PDE6B: variants seen among roughly 807,000 people sequenced by gnomAD.
PDE6B encodes rod cGMP-specific 3',5'-cyclic phosphodiesterase subunit beta.
Under a neutral mutation model 109.0 loss-of-function variants are expected in PDE6B, and 106 were observed. The ratio of observed to expected loss-of-function variants is 0.97; its 90% CI spans 0.83 to 1.14. PDE6B has a LOEUF of 1.14. Ranked by LOEUF, PDE6B falls within the 50% of genes most tolerant of loss-of-function variation. The pLI is 0.00. For synonymous variants in PDE6B, 490 were observed against 471.3 expected, an observed-to-expected ratio of 1.04 and a Z score of -0.51; for missense variants, 1,193 against 1,155.6, an observed-to-expected ratio of 1.03 and a Z score of -0.47.
intron 2 of PDE6B, among the ~76,000 whole-genome samples, chr4:635,183 C>T (rs1734598815): frequency 8.5e-6 from 1 of 118,288 alleles, no homozygotes; most frequent in African/African-American, 3.3e-5. Flanking sequence ...GCGTCCACCT[C>T]CTTACCTGCC....
Position 660,758 on chromosome 4 carries a change from G to A in PDE6B, c.1614+145G>A, listed in dbSNP as rs78815751. ...GATCCCACAGGAAGTTTAGAGGGCC[G>A]ACATGTTCATCACAGAACAGGTAAA... On this transcript the variant is annotated intron_variant, in intron 12 of 21. Transcript: ENST00000496514. The A allele has an allele frequency of 5.7e-3, 4,166 of 729,738 alleles. 43 individuals are homozygous for A. Among genetic ancestry groups the A allele is most frequent in the African/African-American group, 0.038 (2,166 of 57,616 alleles). 45.2% of individuals were successfully genotyped at this position (729,738 alleles called of 1,614,324 possible).
chr4:660,701 A>C, intron 12 of PDE6B, 88 bp downstream of exon 12: 1 of 1,182,130 alleles, frequency 8.5e-7, no homozygotes. Context: ...CAGGTGCCCC[A>C]GAAGGTGAGG....
chr4:668,460 C>A (rs966064723), intron 21 of PDE6B, among the ~76,000 whole-genome samples: 2 of 150,654 alleles, frequency 1.3e-5, no homozygotes, highest in Non-Finnish European at 3.0e-5. Context: ...CTACCCCATG[C>A]TGCTCCCACT....
In PDE6B at chr4:670,611, A is replaced by G. The variant is rs886059550; in HGVS notation, c.*504A>G. ...ATTACTCATCCATTTTTGGATAGTT[A>G]CCACTGGGAGACCTTTGAAAAGGGT... On this transcript the variant is annotated 3_prime_UTR_variant, in exon 22 of 22. Transcript: ENST00000496514. 23 of 188,354 alleles carry G rather than the reference A, an allele frequency of 1.2e-4. No individual in the cohort carries two copies. The highest frequency in any genetic ancestry group is 1.9e-4 in the Non-Finnish European group (17 of 88,786). The allele number at this position is 188,354 out of a possible 1,614,324, so 11.7% of individuals were successfully genotyped here. A position where few individuals can be genotyped will look rare whatever the true frequency, so the allele number is the denominator to read the frequency against.
At chr4:627,697 C>A (rs566946775) in intron 1 of PDE6B, among the ~76,000 whole-genome samples, 1 of 150,966 alleles carries the variant, frequency 6.6e-6, no homozygotes, top group Non-Finnish European at 1.5e-5. Context: ...CTCCTGCCAC[C>A]CTCCTCCCTC....
At position 657,369 on chromosome 4, in the gene PDE6B, G is replaced by A. The variant is rs1736405871; in HGVS notation, c.1276G>A (p.Gly426Ser). Residue 426 changes from glycine to serine, a missense_variant, in exon 10 of 22, where the codon GGC (glycine) becomes AGC (serine). Transcript: ENST00000496514. Reference protein sequence around the residue: ...VLMESLTQFLGWSVMNTDTYD... With the variant: ...VLMESLTQFLSWSVMNTDTYD... ...CCTCCAGTCCCTGACACAGTTCCTG[G>A]GCTGGTCAGTGATGAACACCGACAC... 6.2e-7 allele frequency: 1 copy of A among 1,613,016 alleles called. No individual in the cohort carries two copies. The highest frequency in any genetic ancestry group is 8.5e-7 in the Non-Finnish European group (1 of 1,179,904).
Position 634,842 on chromosome 4 carries a change from G to A in PDE6B, c.621+13G>A. 1.2e-6 allele frequency: 2 copies of A among 1,612,564 alleles called. No individual in the cohort carries two copies. Among genetic ancestry groups the A allele is most frequent in the African/African-American group, 1.3e-5 (1 of 75,004 alleles). On this transcript the variant is annotated intron_variant, in intron 2 of 21. Coordinates refer to ENST00000496514, the MANE Select transcript of PDE6B (RefSeq NM_000283.4). ...CGAAGACGAAGATGTGAGTGTGGGGGGCACCTGGGCAGCCGCGCGTCTGCC... is the reference window on the plus strand; with the variant it reads ...CGAAGACGAAGATGTGAGTGTGGGGAGCACCTGGGCAGCCGCGCGTCTGCC...
intron 3 of PDE6B, chr4:652,347 T>C (rs970243010): frequency 2.0e-4 from 39 of 193,484 alleles, no homozygotes; most frequent in Admixed American, 3.9e-4. Flanking sequence ...AGGATCTCAC[T>C]CACATGTGGG....
chr4:627,660 C>T (rs1057007377), intron 1 of PDE6B, among the ~76,000 whole-genome samples: 5 of 151,050 alleles, frequency 3.3e-5, no homozygotes, highest in South Asian at 2.1e-4. Flanking sequence ...TCCCTCCCCC[C>T]GTTCCCTCCT....
In PDE6B at chr4:654,977, T is replaced by G. The variant is rs1736039953; in HGVS notation, c.992+89T>G. 5.9e-6 allele frequency: 5 copies of G among 845,918 alleles called. No individual in the cohort carries two copies. In the East Asian group the frequency reaches 1.2e-4, roughly 20 times the overall value. 52.4% of individuals were successfully genotyped at this position (845,918 alleles called of 1,614,324 possible). A position where few individuals can be genotyped will look rare whatever the true frequency, so the allele number is the denominator to read the frequency against. ...GCCCCCAGGGCCGTCCTCCCAGGGC[T>G]TCCCACGGTGCAGTCAGCAGCACCG... is the stretch of plus-strand genomic sequence containing the variant. On this transcript the variant is annotated intron_variant, in intron 6 of 21. Transcript: ENST00000496514.
intron 3 of PDE6B, chr4:652,646 C>T (rs903143384): frequency 7.5e-6 from 2 of 268,258 alleles, no homozygotes; most frequent in African/African-American, 4.6e-5. Flanking sequence ...AGTAGAACAG[C>T]CGTTTTCATG....
chr4:656,522 A>G (rs1560122735), intron 8 of PDE6B, among the ~76,000 whole-genome samples: 1 of 146,314 alleles, frequency 6.8e-6, no homozygotes, highest in African/African-American at 2.6e-5. Flanking sequence ...GCCCCCACAC[A>G]CCCCTGCGAG....
In PDE6B at chr4:663,749, C is replaced by T. The variant is rs373170193; in HGVS notation, c.1921-21C>T. On this transcript the variant is annotated intron_variant, in intron 15 of 21. Coordinates refer to ENST00000496514, the MANE Select transcript of PDE6B (RefSeq NM_000283.4). This position sits in a 1 kb window ranked among gnomAD's most constrained non-coding sequence, Gnocchi z 4.0. ...AGAGGTGGCCGCAGGGCGCCTGACG[C>T]GCTGGGCATAACCTCCGCAGACCCT... The T allele has an allele frequency of 1.3e-4, 206 of 1,594,056 alleles. No individual in the cohort carries two copies. Among genetic ancestry groups the T allele is most frequent in the Non-Finnish European group, 1.7e-4 (201 of 1,163,458 alleles).
Position 656,923 on chromosome 4 carries a change from T to C in PDE6B, c.1157T>C (p.Met386Thr). 6.2e-7 allele frequency: 1 copy of C among 1,613,042 alleles called. No individual in the cohort carries two copies. Among genetic ancestry groups the C allele is most frequent in the Non-Finnish European group, 8.5e-7 (1 of 1,179,894 alleles). Residue 386 changes from methionine (M) to threonine (T), a missense_variant, in exon 9 of 22, where the codon ATG becomes ACG. Physicochemically the swap from Met to Thr is moderately conservative, Grantham distance 81 (BLOSUM62 -1). Transcript: ENST00000496514. ...SGWLIKNVLS[M>T]PIVNKKEEIV... ...TGGCTCATCAAGAATGTGCTGTCCATGCCCATCGTCAACAAGAAGGAGGAG... is the reference window on the plus strand; with the variant it reads ...TGGCTCATCAAGAATGTGCTGTCCACGCCCATCGTCAACAAGAAGGAGGAG...
chr4:627,202 G>A (rs999136188), intron 1 of PDE6B, among the ~76,000 whole-genome samples: 1 of 151,056 alleles, frequency 6.6e-6, no homozygotes, highest in Non-Finnish European at 1.5e-5. Context: ...CTGGAGTACA[G>A]TGGCATGATG....
At position 664,165 on chromosome 4, in the gene PDE6B, CAAG is replaced by C. The variant is rs777085213; in HGVS notation, c.2078_2080del (p.Lys693del). 6.2e-7 allele frequency: 1 copy of C among 1,612,684 alleles called. No homozygotes were observed. The highest frequency in any genetic ancestry group is 1.1e-5 in the South Asian group (1 of 91,068). ...TGGATGAGTCCAAGAACTACCAGGA[CAAG>C]AAGAGCTGGGTGGAGTACCTGTCCC... On this transcript the variant is annotated inframe_deletion, in exon 17 of 22. Coordinates refer to ENST00000496514, the MANE Select transcript of PDE6B (RefSeq NM_000283.4).
Position 659,030 on chromosome 4 carries a change from C to T in PDE6B, c.1467+13C>T. ...GGGCGAAATCCTGGTAAGAACCTTGCTCCCGTCCCTCCCATGGAGGCCGGC... is the reference window on the plus strand; with the variant it reads ...GGGCGAAATCCTGGTAAGAACCTTGTTCCCGTCCCTCCCATGGAGGCCGGC... On this transcript the variant is annotated intron_variant, in intron 11 of 21. Transcript: ENST00000496514. 2.5e-6 allele frequency: 4 copies of T among 1,604,246 alleles called. No homozygotes were observed. Among genetic ancestry groups the T allele is most frequent in the Non-Finnish European group, 3.4e-6 (4 of 1,171,476 alleles).
At position 657,373 on chromosome 4, in the gene PDE6B, G is replaced by T. The variant is rs771148614; in HGVS notation, c.1280G>T (p.Trp427Leu). 2 of 1,612,926 alleles carry T rather than the reference G, an allele frequency of 1.2e-6. No individual in the cohort carries two copies. The highest frequency in any genetic ancestry group is 1.7e-6 in the Non-Finnish European group (2 of 1,179,706). Residue 427 changes from tryptophan to leucine, a missense_variant, in exon 10 of 22, where the codon TGG (tryptophan) becomes TTG (leucine). Trp to Leu is a moderately conservative substitution (Grantham distance 61). Coordinates refer to ENST00000496514, the MANE Select transcript of PDE6B (RefSeq NM_000283.4). ...CAGTCCCTGACACAGTTCCTGGGCT[G>T]GTCAGTGATGAACACCGACACCTAC... Reference protein sequence around the residue: ...LMESLTQFLGWSVMNTDTYDK... With the variant: ...LMESLTQFLGLSVMNTDTYDK...
At chr4:635,469 G>A (rs1246109799) in intron 2 of PDE6B, among the ~76,000 whole-genome samples, 3 of 99,872 alleles carry the variant, frequency 3.0e-5, no homozygotes, top group East Asian at 3.3e-4. Context: ...TCTGTGCCAC[G>A]CGTCTGCCTC....
Sources: allele counts gnomAD v4.1 joint callset (sites outside exome capture counted in the v4.1 genomes callset), GRCh38; gene constraint gnomAD v4.1.1; non-coding constraint Gnocchi (gnomAD v3.1); transcripts MANE v1.5; gene names NCBI Gene and HGNC (gene_info 2026-07-23, HGNC 2026-07-21).